Variants in TSHZ2 observed in about 807,000 individuals in gnomAD.
TSHZ2 encodes the protein teashirt homolog 2.
In TSHZ2, 21 loss-of-function variants were observed where a neutral mutation model predicts 74.4. That is an observed-to-expected ratio of 0.28 (90% confidence interval 0.20 to 0.41). TSHZ2 has a LOEUF of 0.41. TSHZ2 is among the 10% of genes least tolerant of loss of function. The pLI is 1.00. For synonymous variants in TSHZ2, 540 were observed against 515.3 expected (o/e 1.05, Z -0.65); for missense variants, 1,244 against 1,293.5 (o/e 0.96, Z 0.59).
At chr20:53,326,461 G>A (rs140155664) in intron 2 of TSHZ2, among the ~76,000 whole-genome samples, 569 of 152,234 alleles carry the variant, frequency 3.7e-3, no homozygotes, top group Middle Eastern at 0.02. Flanking sequence ...CCTCAGCAAC[G>A]CCCATGATAG....
intron 2 of TSHZ2, among the ~76,000 whole-genome samples, chr20:53,379,433 G>A (rs1981781297): frequency 6.6e-6 from 1 of 151,558 alleles, no homozygotes; most frequent in Non-Finnish European, 1.5e-5. Context: ...TAGAATGAGT[G>A]GATAAATTAA....
At chr20:53,091,500 A>ATCCTTCATTTATATTCTGATTTAAT (rs1985884782) in intron 1 of TSHZ2, among the ~76,000 whole-genome samples, 1 of 152,172 alleles carries the variant, frequency 6.6e-6, no homozygotes, top group African/African-American at 2.4e-5. Context: ...TACTACTTAA[A>ATCCTTCATTTATATTCTGATTTAAT]TCCTTCATTT....
In TSHZ2 at chr20:53,351,185, G is replaced by T. The variant is rs1980632425; in HGVS notation, c.*8+94614G>T. 2.0e-5 allele frequency among the ~76,000 whole-genome samples: 3 copies of T among 152,268 alleles called. No individual in the cohort carries two copies. In the South Asian group the frequency reaches 6.2e-4, roughly 32 times the overall value. ...GATCTGCCAATATCAGCTTTTTTCT[G>T]AAATATAAAATAGTCATTAATTCAC... On this transcript the variant is annotated intron_variant, in intron 2 of 2. Transcript: ENST00000371497.
At chr20:53,352,377 T>C (rs1216631189) in intron 2 of TSHZ2, among the ~76,000 whole-genome samples, 1 of 151,494 alleles carries the variant, frequency 6.6e-6, no homozygotes, top group African/African-American at 2.4e-5. Context: ...CAGGGTCCAA[T>C]GAGGAAATAG....
At chr20:53,048,632 C>A (rs1363570592) in intron 1 of TSHZ2, among the ~76,000 whole-genome samples, 3 of 152,178 alleles carry the variant, frequency 2.0e-5, no homozygotes, top group African/African-American at 7.2e-5. Context: ...GACCTCAGAC[C>A]CTCTCCATAG....
chr20:53,305,975 G>GA (rs35465133), intron 2 of TSHZ2, among the ~76,000 whole-genome samples: 38,806 of 136,962 alleles, frequency 0.28, 5,993 homozygotes, highest in South Asian at 0.39. Context: ...AAGACTCTGT[G>GA]AAAAAAAAAA....
chr20:53,035,568 T>C (rs757979488), intron 1 of TSHZ2, among the ~76,000 whole-genome samples: 1 of 152,188 alleles, frequency 6.6e-6, no homozygotes, highest in Non-Finnish European at 1.5e-5. Flanking sequence ...TTAATTAAAA[T>C]ATTATTTCCC....
At chr20:53,045,474 T>C (rs1267186442) in intron 1 of TSHZ2, among the ~76,000 whole-genome samples, 2 of 152,126 alleles carry the variant, frequency 1.3e-5, no homozygotes, top group African/African-American at 2.4e-5. Flanking sequence ...CTTGGGACAA[T>C]ATGCATGGTG....
chr20:52,999,602 C>T (rs7271274), intron 1 of TSHZ2, among the ~76,000 whole-genome samples: 3,007 of 152,256 alleles, frequency 0.02, 44 homozygotes, highest in African/African-American at 0.037. Flanking sequence ...GCAGAGCAAA[C>T]GGCCAGTCTA....
chr20:53,199,989 G>A (rs1271483388), intron 1 of TSHZ2, among the ~76,000 whole-genome samples: 1 of 152,124 alleles, frequency 6.6e-6, no homozygotes, highest in African/African-American at 2.4e-5. Flanking sequence ...TTCTTGGAAG[G>A]GAAAATAAAA....
At chr20:53,165,198 A>C (rs1009389968) in intron 1 of TSHZ2, among the ~76,000 whole-genome samples, 2 of 152,174 alleles carry the variant, frequency 1.3e-5, no homozygotes, top group African/African-American at 4.8e-5. Context: ...TAAGTGTCAA[A>C]ATTTGGACGC....
At chr20:53,385,277 T>C (rs572847219) in intron 2 of TSHZ2, among the ~76,000 whole-genome samples, 3 of 152,282 alleles carry the variant, frequency 2.0e-5, no homozygotes, top group Admixed American at 2.0e-4. Flanking sequence ...TTTTTTTTTC[T>C]CTTTGGAATG....
At chr20:53,371,878 AAAAAAAAAAAG>A (rs1419566040) in intron 2 of TSHZ2, among the ~76,000 whole-genome samples, 1 of 148,468 alleles carries the variant, frequency 6.7e-6, no homozygotes, top group South Asian at 2.1e-4. Context: ...CCGTCTCAAA[AAAAAAAAAAAG>A]AAAAAAAAAA....
chr20:52,991,492 A>G (rs1174484377), intron 1 of TSHZ2, among the ~76,000 whole-genome samples: 14 of 102,300 alleles, frequency 1.4e-4, no homozygotes, highest in Non-Finnish European at 1.3e-4. Flanking sequence ...GTTGTAGGAG[A>G]AGAGAGTGTG....
At chr20:53,033,064 C>T (rs1235430714) in intron 1 of TSHZ2, among the ~76,000 whole-genome samples, 1 of 152,170 alleles carries the variant, frequency 6.6e-6, no homozygotes, top group Non-Finnish European at 1.5e-5. Flanking sequence ...TGGTGACTTT[C>T]CATGCCCAGA....
rs1299747030 is a variant in TSHZ2 at position 53,488,975 on chromosome 20, T to C, written c.*1840T>C. ...GCGCTTCGGGGAAGGAGGGAAAAAG[T>C]AAATGAAGTTCCAGGAATGTCATTC... On this transcript the variant is annotated 3_prime_UTR_variant, in exon 3 of 3. Coordinates refer to ENST00000371497, the MANE Select transcript of TSHZ2 (RefSeq NM_173485.6). 2 of 456,012 alleles carry C rather than the reference T, an allele frequency of 4.4e-6. No individual in the cohort carries two copies. The highest frequency in any genetic ancestry group is 1.4e-4 in the East Asian group (2 of 14,382). The allele number at this position is 456,012 out of a possible 1,614,324, so 28.2% of individuals were successfully genotyped here.
chr20:53,259,172 C>T (rs1990548780), intron 2 of TSHZ2, among the ~76,000 whole-genome samples: 1 of 152,160 alleles, frequency 6.6e-6, no homozygotes, highest in South Asian at 2.1e-4. Context: ...GAACTCTAAT[C>T]TTAGTTGTAA....
At chr20:53,363,147 G>A (rs1329223534) in intron 2 of TSHZ2, among the ~76,000 whole-genome samples, 1 of 152,252 alleles carries the variant, frequency 6.6e-6, no homozygotes, top group Non-Finnish European at 1.5e-5. Flanking sequence ...GTCCCCAGTG[G>A]GAATGAGCCT....
rs899951238 is a variant in TSHZ2 at position 53,307,260 on chromosome 20, C to T, written c.*8+50689C>T. On this transcript the variant is annotated intron_variant, in intron 2 of 2. Coordinates refer to ENST00000371497, the MANE Select transcript of TSHZ2 (RefSeq NM_173485.6). ...ACCCAGAACACTGACCACTTCCCTT[C>T]CCTGCCACTTCCATCCCACCATCTG... Among the ~76,000 whole-genome samples the T allele has an allele frequency of 1.2e-4, 18 of 152,228 alleles. 2 individuals carry two copies. The highest frequency in any genetic ancestry group is 8.5e-4 in the Admixed American group (13 of 15,294).
Sources: allele counts gnomAD v4.1 joint callset (sites outside exome capture counted in the v4.1 genomes callset), GRCh38; gene constraint gnomAD v4.1.1; transcripts MANE v1.5; gene names NCBI Gene and HGNC (gene_info 2026-07-23, HGNC 2026-07-21).